The following IMMP2L variants were observed in gnomAD, a reference collection of about 807,000 sequenced individuals.
IMMP2L encodes the protein mitochondrial inner membrane protease subunit 2.
A neutral mutation model predicts 19.3 loss-of-function variants in IMMP2L; 18 were observed. That is an observed-to-expected ratio of 0.93 (90% CI 0.64 to 1.38). The LOEUF is 1.38. IMMP2L is among the 40% of genes most tolerant of loss of function. The probability of loss-of-function intolerance (pLI) is 0.00; values close to 1 mark genes in which losing one functional copy is unlikely to be tolerated. For synonymous variants in IMMP2L, 76 were observed against 73.0 expected, an observed-to-expected ratio of 1.04 and a Z score of -0.21; for missense variants, 233 against 218.2, an observed-to-expected ratio of 1.07 and a Z score of -0.43.
rs1169450523 is a variant in IMMP2L, at chr7:111,214,331, C to CTTTTTTTTTTTT, written c.240-250778_240-250767dup. ...AATGAATGACAAAGTAATTTTTCTT[C>CTTTTTTTTTTTT]TTTTTTTTTTTTTTTTTTTTTTTTT... On this transcript the variant is annotated intron_variant, in intron 3 of 5. Coordinates refer to ENST00000405709, the MANE Select transcript of IMMP2L (RefSeq NM_032549.4). Among the ~76,000 whole-genome samples, 5 of 82,194 alleles carry CTTTTTTTTTTTT rather than the reference C, an allele frequency of 6.1e-5. 1 individual carries two copies. Among genetic ancestry groups the CTTTTTTTTTTTT allele is most frequent in the African/African-American group, 2.7e-4 (5 of 18,822 alleles). The allele number at this position is 82,194 out of a possible 152,430, so 53.9% of individuals were successfully genotyped here.
At chr7:111,407,016 C>T (rs572248778) in intron 3 of IMMP2L, among the ~76,000 whole-genome samples, 1 of 152,156 alleles carries the variant, frequency 6.6e-6, no homozygotes, top group South Asian at 2.1e-4. Flanking sequence ...TAATGAAATT[C>T]CCAGTATCCC....
chr7:111,117,544 A>G (rs1437454696), intron 3 of IMMP2L, among the ~76,000 whole-genome samples: 1 of 152,132 alleles, frequency 6.6e-6, no homozygotes, highest in Non-Finnish European at 1.5e-5. Context: ...GAGTTGTCAT[A>G]TAAATTCAAA....
chr7:111,342,987 G>C (rs970683651), intron 3 of IMMP2L, among the ~76,000 whole-genome samples: 9 of 152,012 alleles, frequency 5.9e-5, no homozygotes, highest in Non-Finnish European at 1.3e-4. Flanking sequence ...GTAGCAATAA[G>C]ATTCAGTGAG....
At chr7:111,135,141 A>G (rs1286707092) in intron 3 of IMMP2L, among the ~76,000 whole-genome samples, 1 of 152,132 alleles carries the variant, frequency 6.6e-6, no homozygotes, top group Non-Finnish European at 1.5e-5. Flanking sequence ...AAATGAATCC[A>G]GTTTTAGCTT....
chr7:111,242,730 A>C (rs1815252244), intron 3 of IMMP2L, among the ~76,000 whole-genome samples: 1 of 151,942 alleles, frequency 6.6e-6, no homozygotes, highest in African/African-American at 2.4e-5. Context: ...AATTCAACCA[A>C]AGCCTATGGC....
intron 4 of IMMP2L, among the ~76,000 whole-genome samples, chr7:110,925,353 A>C (rs2129550981): frequency 6.6e-6 from 1 of 152,240 alleles, no homozygotes; most frequent in Non-Finnish European, 1.5e-5. Context: ...TTAAAAATGA[A>C]AACAAACACT....
intron 5 of IMMP2L, among the ~76,000 whole-genome samples, chr7:110,858,172 A>C (rs1807004670): frequency 6.6e-6 from 1 of 152,096 alleles, no homozygotes; most frequent in African/African-American, 2.4e-5. Flanking sequence ...CTTGGAAAGA[A>C]GCAGAGTATG....
intron 3 of IMMP2L, among the ~76,000 whole-genome samples, chr7:111,141,249 CAATTTAAT>C (rs1802852126): frequency 6.6e-6 from 1 of 151,824 alleles, no homozygotes; most frequent in South Asian, 2.1e-4. Context: ...GTCTTTGATA[CAATTTAAT>C]TCCTTTGAAA....
intron 3 of IMMP2L, among the ~76,000 whole-genome samples, chr7:111,342,025 T>C (rs1234853911): frequency 2.6e-5 from 4 of 152,136 alleles, no homozygotes; most frequent in Admixed American, 2.0e-4. Flanking sequence ...CATTATAAAT[T>C]ACCCAGTCTC....
intron 3 of IMMP2L, among the ~76,000 whole-genome samples, chr7:111,080,467 T>C (rs753648081): frequency 1.3e-4 from 19 of 149,420 alleles, no homozygotes; most frequent in Non-Finnish European, 2.5e-4. Flanking sequence ...TGTATATTCT[T>C]ATATACATGT....
At chr7:111,418,784 TC>T in intron 3 of IMMP2L, among the ~76,000 whole-genome samples, 2 of 151,958 alleles carry the variant, frequency 1.3e-5, no homozygotes, top group East Asian at 3.9e-4. Context: ...AAGAGATTGC[TC>T]CTAAAACAAA....
chr7:111,507,103 A>G (rs1844987924), intron 2 of IMMP2L, among the ~76,000 whole-genome samples: 1 of 152,140 alleles, frequency 6.6e-6, no homozygotes, highest in Non-Finnish European at 1.5e-5. Flanking sequence ...GGCCTCCCCA[A>G]GTGCTGGGAT....
At chr7:111,168,506 A>C (rs1281130689) in intron 3 of IMMP2L, among the ~76,000 whole-genome samples, 1 of 151,840 alleles carries the variant, frequency 6.6e-6, no homozygotes, top group East Asian at 1.9e-4. Flanking sequence ...TCTTGCTGCT[A>C]AACCAGTTTA....
At chr7:111,383,514 G>A (rs577236275) in intron 3 of IMMP2L, among the ~76,000 whole-genome samples, 31 of 152,176 alleles carry the variant, frequency 2.0e-4, no homozygotes, top group African/African-American at 5.3e-4. Flanking sequence ...ACCGAGCTAC[G>A]CCTACAAAAC....
rs1159096181 is a variant in IMMP2L at position 111,443,303 on chromosome 7, A to G, written c.239+43935T>C. 2.6e-5 allele frequency among the ~76,000 whole-genome samples: 4 copies of G among 152,102 alleles called. 1 individual carries two copies. Among genetic ancestry groups the G allele is most frequent in the East Asian group, 1.9e-4 (1 of 5,190 alleles). On this transcript the variant is annotated intron_variant, in intron 3 of 5. Coordinates refer to ENST00000405709, the MANE Select transcript of IMMP2L (RefSeq NM_032549.4). ...ACAGTAATCCAAATTTTCAAATGCA[A>G]TAAGTTATTTTACAAGCCTATCAAA...
intron 3 of IMMP2L, among the ~76,000 whole-genome samples, chr7:111,006,943 T>C (rs1824350702): frequency 1.3e-5 from 2 of 152,116 alleles, no homozygotes; most frequent in Non-Finnish European, 2.9e-5. Flanking sequence ...TTGAGAGCAT[T>C]TCTATCATAT....
intron 5 of IMMP2L, among the ~76,000 whole-genome samples, chr7:110,725,305 A>C (rs1795819733): frequency 6.6e-6 from 1 of 152,132 alleles, no homozygotes; most frequent in Non-Finnish European, 1.5e-5. Context: ...CTTGTTCTAA[A>C]TATTTTGCTT....
intron 5 of IMMP2L, among the ~76,000 whole-genome samples, chr7:110,878,447 CTT>C (rs1273764528): frequency 6.6e-6 from 1 of 151,684 alleles, no homozygotes; most frequent in Non-Finnish European, 1.5e-5. Flanking sequence ...TATATTTTGA[CTT>C]TTGGTTTGAA....
intron 5 of IMMP2L, among the ~76,000 whole-genome samples, chr7:110,880,184 A>T (rs1809501264): frequency 1.3e-5 from 2 of 152,124 alleles, no homozygotes; most frequent in Non-Finnish European, 2.9e-5. Context: ...CATGAGTCTT[A>T]CTATGAATAA....
Sources: gnomAD v4.1 joint callset for allele counts (sites outside exome capture counted in the v4.1 genomes callset) on GRCh38, gnomAD v4.1.1 for gene constraint, MANE v1.5 for transcripts, NCBI Gene and HGNC (gene_info 2026-07-23, HGNC 2026-07-21) for gene names.